The following ABCC4 variants were observed in gnomAD, a reference collection of about 807,000 sequenced individuals.
ABCC4 encodes the protein ATP binding cassette subfamily C member 4 (PEL blood group), also known as ATP-binding cassette sub-family C member 4.
In ABCC4, 102 loss-of-function variants were observed where a neutral mutation model predicts 168.5. That is an observed-to-expected ratio of 0.61 (90% CI 0.52 to 0.71). ABCC4 has a LOEUF of 0.71. Among genes scored for constraint, ABCC4 ranks in the 30% least tolerant of loss-of-function variants. The pLI is 0.00. For synonymous variants in ABCC4, 617 were observed against 590.7 expected (o/e 1.04, Z -0.65); for missense variants, 1,402 against 1,605.8 (o/e 0.87, Z 2.17).
At chr13:95,248,400 T>C (rs902769081) in intron 1 of ABCC4, among the ~76,000 whole-genome samples, 1 of 152,036 alleles carries the variant, frequency 6.6e-6, no homozygotes, top group Non-Finnish European at 1.5e-5. Flanking sequence ...ATTTACATAA[T>C]CCAAAATTAT....
chr13:95,208,699 C>T (rs1412531771), intron 6 of ABCC4, among the ~76,000 whole-genome samples: 1 of 141,030 alleles, frequency 7.1e-6, no homozygotes, highest in Non-Finnish European at 1.5e-5. Flanking sequence ...CGGCTCACTG[C>T]AACCTCTGCC....
rs1291023214 is a variant in ABCC4, at chr13:95,244,646, A to AAAGG, written c.306+2328_306+2329insCCTT. ...GAAAGAAAGAAAGAAAGAAAGAAAG[A>AAAGG]AAGAAAGAAAGAAAGAAAGAAAGAA... is the stretch of plus-strand genomic sequence containing the variant. On this transcript the variant is annotated intron_variant, in intron 3 of 30. Coordinates refer to ENST00000645237, the MANE Select transcript of ABCC4 (RefSeq NM_005845.5). 9.3e-5 allele frequency among the ~76,000 whole-genome samples: 7 copies of AAAGG among 75,462 alleles called. 2 individuals are homozygous for AAAGG. Among genetic ancestry groups the AAAGG allele is most frequent in the African/African-American group, 4.2e-4 (7 of 16,482 alleles). 49.5% of individuals were successfully genotyped at this position (75,462 alleles called of 152,430 possible). A position where few individuals can be genotyped will look rare whatever the true frequency, so the allele number is the denominator to read the frequency against.
At chr13:95,070,964 G>A (rs2033704573) in intron 25 of ABCC4, among the ~76,000 whole-genome samples, 1 of 152,164 alleles carries the variant, frequency 6.6e-6, no homozygotes, top group Non-Finnish European at 1.5e-5. Flanking sequence ...GTTGTGGGAG[G>A]GACCCGGTGG....
intron 1 of ABCC4, among the ~76,000 whole-genome samples, chr13:95,280,362 C>T (rs1422706706): frequency 1.4e-5 from 2 of 145,490 alleles, no homozygotes; most frequent in Non-Finnish European, 3.0e-5. Context: ...GGTTGTGGTA[C>T]GCCAAGATCA....
chr13:95,223,668 A>C (rs556956618), intron 4 of ABCC4, among the ~76,000 whole-genome samples: 5 of 152,062 alleles, frequency 3.3e-5, no homozygotes, highest in Non-Finnish European at 1.5e-5. Context: ...CACCCAGCTA[A>C]ATTTTGTATT....
intron 3 of ABCC4, among the ~76,000 whole-genome samples, chr13:95,241,649 T>C (rs1009179209): frequency 3.3e-5 from 5 of 152,256 alleles, no homozygotes; most frequent in Middle Eastern, 3.4e-3. Context: ...CTGTTCTAAT[T>C]AGCATTTGCC....
chr13:95,097,034 T>C (rs9561783), intron 20 of ABCC4, among the ~76,000 whole-genome samples: 4 of 152,134 alleles, frequency 2.6e-5, no homozygotes, highest in African/African-American at 9.7e-5. Flanking sequence ...GTAAACAATA[T>C]GACAACATAA....
chr13:95,272,729 A>C (rs7324503), intron 1 of ABCC4, among the ~76,000 whole-genome samples: 4,105 of 152,018 alleles, frequency 0.027, 168 homozygotes, highest in African/African-American at 0.093. Flanking sequence ...CTCTACTAAA[A>C]ATCCAAAAAT....
intron 21 of ABCC4, among the ~76,000 whole-genome samples, chr13:95,082,316 T>C (rs2034123416): frequency 6.6e-6 from 1 of 152,246 alleles, no homozygotes; most frequent in Non-Finnish European, 1.5e-5. Flanking sequence ...GCATGCATAA[T>C]GAGATGAACT....
At chr13:95,134,402 C>T (rs1449020076) in intron 19 of ABCC4, among the ~76,000 whole-genome samples, 1 of 152,040 alleles carries the variant, frequency 6.6e-6, no homozygotes, top group African/African-American at 2.4e-5. Context: ...GAAAATGCTG[C>T]AGACTATTCT....
intron 27 of ABCC4, 29 bp from the exon 28 acceptor site, chr13:95,044,467 T>C (rs755321169): frequency 6.3e-7 from 1 of 1,576,898 alleles, no homozygotes; most frequent in East Asian, 2.3e-5. Flanking sequence ...GAATGACTGC[T>C]ATCATTCAAG....
At chr13:95,042,914 C>T (rs959854384) in intron 29 of ABCC4, among the ~76,000 whole-genome samples, 1 of 152,124 alleles carries the variant, frequency 6.6e-6, no homozygotes, top group Non-Finnish European at 1.5e-5. Flanking sequence ...AGACTACAGG[C>T]GCCTGCCACC....
chr13:95,244,181 G>A (rs2040021916), intron 3 of ABCC4, among the ~76,000 whole-genome samples: 1 of 152,178 alleles, frequency 6.6e-6, no homozygotes, highest in African/African-American at 2.4e-5. Flanking sequence ...GAGATGGTTA[G>A]GTCCCTAAGT....
intron 20 of ABCC4, among the ~76,000 whole-genome samples, chr13:95,087,502 C>CTAA (rs2034296641): frequency 6.6e-6 from 1 of 152,062 alleles, no homozygotes; most frequent in Non-Finnish European, 1.5e-5. Flanking sequence ...AAAAATAAAA[C>CTAA]CTACTTCTCA....
intron 19 of ABCC4, among the ~76,000 whole-genome samples, chr13:95,157,233 C>G (rs2036899120): frequency 6.6e-6 from 1 of 152,082 alleles, no homozygotes; most frequent in East Asian, 1.9e-4. Context: ...ATGGTTGCCC[C>G]TCAGACCCAG....
At chr13:95,077,328 G>A (rs1167407558) in intron 21 of ABCC4, among the ~76,000 whole-genome samples, 1 of 152,058 alleles carries the variant, frequency 6.6e-6, no homozygotes, top group Admixed American at 6.6e-5. Flanking sequence ...GAGAAGTTAA[G>A]ATAACTTTTT....
intron 1 of ABCC4, among the ~76,000 whole-genome samples, chr13:95,284,431 C>T (rs533188988): frequency 2.6e-5 from 4 of 152,292 alleles, no homozygotes; most frequent in Admixed American, 6.5e-5. Flanking sequence ...TCAAGCTATC[C>T]ACCTGCCTCA....
intron 1 of ABCC4, among the ~76,000 whole-genome samples, chr13:95,286,407 A>C (rs57373385): frequency 6.6e-6 from 1 of 152,212 alleles, no homozygotes; most frequent in East Asian, 1.9e-4. Flanking sequence ...GGCATGAGCC[A>C]CAGTGCCCAG....
intron 30 of ABCC4, among the ~76,000 whole-genome samples, chr13:95,024,790 G>A (rs754506546): frequency 6.6e-6 from 1 of 152,158 alleles, no homozygotes; most frequent in Non-Finnish European, 1.5e-5. Flanking sequence ...ATATAATGGA[G>A]TAATGAATTT....
Sources: gnomAD v4.1 joint callset for allele counts (sites outside exome capture counted in the v4.1 genomes callset) on GRCh38, gnomAD v4.1.1 for gene constraint, MANE v1.5 for transcripts, NCBI Gene and HGNC (gene_info 2026-07-23, HGNC 2026-07-21) for gene names.